The following CCDC102A variants were observed in gnomAD, a reference collection of about 807,000 sequenced individuals.
The protein encoded by CCDC102A is coiled-coil domain-containing protein 102A.
A neutral mutation model predicts 55.5 loss-of-function variants in CCDC102A; 40 were observed. The observed-to-expected ratio is 0.72, with a 90% CI of 0.56 to 0.94. The LOEUF is 0.94. Ranked by LOEUF, CCDC102A falls within the 40% of genes least tolerant of loss-of-function variation. The pLI, the probability that CCDC102A is intolerant of heterozygous loss-of-function variation, is 0.00. For missense variants in CCDC102A, 779 were observed against 768.6 expected, an observed-to-expected ratio of 1.01 and a Z score of -0.16; for synonymous variants, 323 against 339.0, an observed-to-expected ratio of 0.95 and a Z score of 0.52.
intron 8 of CCDC102A, among the ~76,000 whole-genome samples, chr16:57,514,801 A>AC (rs2031924539): frequency 6.6e-6 from 1 of 152,050 alleles, no homozygotes; most frequent in African/African-American, 2.4e-5. Context: ...AGTGGGAGGG[A>AC]CGTGGACTGA....
At chr16:57,532,956 A>G (rs2146721747) in intron 1 of CCDC102A, among the ~76,000 whole-genome samples, 2 of 152,254 alleles carry the variant, frequency 1.3e-5, no homozygotes, top group South Asian at 4.1e-4. Context: ...GGAGGGGGCC[A>G]CTGCCACATC....
At chr16:57,523,334 G>A (rs561473616) in intron 3 of CCDC102A, among the ~76,000 whole-genome samples, 4 of 152,238 alleles carry the variant, frequency 2.6e-5, no homozygotes, top group East Asian at 3.9e-4. Flanking sequence ...TGAGGGCTGC[G>A]AGAAAGAATC....
intron 1 of CCDC102A, among the ~76,000 whole-genome samples, chr16:57,535,970 C>G (rs1332398123): frequency 6.6e-6 from 1 of 152,190 alleles, no homozygotes; most frequent in African/African-American, 2.4e-5. Context: ...CGACCCCTCC[C>G]AAGCCGCTGG....
rs549771252 is a variant in CCDC102A, at chr16:57,519,360, C to T, written c.922-619G>A. Among the ~76,000 whole-genome samples the T allele has an allele frequency of 4.7e-3, 710 of 152,336 alleles. 3 individuals are homozygous for T. Among genetic ancestry groups the T allele is most frequent in the Non-Finnish European group, 8.2e-3 (557 of 68,026 alleles). Reference sequence around the variant, plus strand: ...TGGCCTGGAGGAGGGGCCTCCTCATCCCACTCCCCACTGGAAAGCTAGCCT... The same window carrying T: ...TGGCCTGGAGGAGGGGCCTCCTCATTCCACTCCCCACTGGAAAGCTAGCCT... On this transcript the variant is annotated intron_variant, in intron 4 of 8. Transcript: ENST00000258214.
rs764284100 is a variant in CCDC102A at position 57,529,392 on chromosome 16, C to T, written c.-147-68G>A. 1 of 444,318 alleles carries T rather than the reference C, an allele frequency of 2.3e-6. No individual in the cohort carries two copies. Among genetic ancestry groups the T allele is most frequent in the African/African-American group, 2.1e-5 (1 of 47,080 alleles). 27.5% of individuals were successfully genotyped at this position (444,318 alleles called of 1,614,324 possible). A position where few individuals can be genotyped will look rare whatever the true frequency, so the allele number is the denominator to read the frequency against. On this transcript the variant is annotated intron_variant, in intron 1 of 8. Transcript: ENST00000258214. This position sits in a 1 kb window ranked among gnomAD's most constrained non-coding sequence, Gnocchi z 4.1. ...GTCTCGAAGATCAGCCGCGCCAAGG[C>T]CCTGGCGGAGGGAACAGAACGGCCA...
At chr16:57,525,260 T>G (rs188495809) in intron 3 of CCDC102A, among the ~76,000 whole-genome samples, 11 of 152,196 alleles carry the variant, frequency 7.2e-5, no homozygotes, top group African/African-American at 2.6e-4. Context: ...CACGCCTAGC[T>G]AATTTTTGCA....
intron 4 of CCDC102A, among the ~76,000 whole-genome samples, chr16:57,520,546 C>CATAACATAAT (rs1200960980): frequency 1.9e-4 from 20 of 106,530 alleles, no homozygotes; most frequent in Admixed American, 3.5e-4. Context: ...AATAACATAA[C>CATAACATAAT]ATAACATAAC....
chr16:57,519,256 C>G (rs1166938359), intron 4 of CCDC102A, among the ~76,000 whole-genome samples: 2 of 152,222 alleles, frequency 1.3e-5, no homozygotes, highest in Non-Finnish European at 2.9e-5. Context: ...CTTTCTGAGA[C>G]ACTTCTTAGG....
At chr16:57,521,241 G>T in intron 3 of CCDC102A, 65 bp from the exon 4 acceptor site, 1 of 1,282,206 alleles carries the variant, frequency 7.8e-7, no homozygotes, top group Non-Finnish European at 1.1e-6. Context: ...CTCACCAAGG[G>T]TGGCCCTGCT....
chr16:57,512,550 A>G lies in CCDC102A; in HGVS notation c.*191T>C, dbSNP rs1162188041. 3.1e-6 allele frequency: 2 copies of G among 646,066 alleles called. No homozygotes were observed. The highest frequency in any genetic ancestry group is 5.3e-6 in the Non-Finnish European group (2 of 379,404). 40.0% of individuals were successfully genotyped at this position (646,066 alleles called of 1,614,324 possible). A position where few individuals can be genotyped will look rare whatever the true frequency, so the allele number is the denominator to read the frequency against. On this transcript the variant is annotated 3_prime_UTR_variant, in exon 9 of 9. Coordinates refer to ENST00000258214, the MANE Select transcript of CCDC102A (RefSeq NM_033212.4). ...CGCGCGTGTGTGTATATATATATAT[A>G]AAACATAGGCTTCCTTTCCACAGGG...
At chr16:57,519,515 G>A (rs113825323) in intron 4 of CCDC102A, among the ~76,000 whole-genome samples, 2,080 of 152,306 alleles carry the variant, frequency 0.014, 36 homozygotes, top group African/African-American at 0.047. Flanking sequence ...ATTGCTTGGC[G>A]TGCATTTAAG....
chr16:57,522,106 C>T lies in CCDC102A; in HGVS notation c.813-930G>A, dbSNP rs531371796. On this transcript the variant is annotated intron_variant, in intron 3 of 8. Coordinates refer to ENST00000258214, the MANE Select transcript of CCDC102A (RefSeq NM_033212.4). ...CATGCACAGCCCACTGGACATTGCT[C>T]GGGGTAGAGATGATCTGAGCCTACA... Among the ~76,000 whole-genome samples, 8 of 152,270 alleles carry T rather than the reference C, an allele frequency of 5.3e-5. No homozygotes were observed. The South Asian group carries it at 1.2e-3, about 24-fold the overall frequency.
intron 4 of CCDC102A, among the ~76,000 whole-genome samples, chr16:57,519,953 T>C (rs1037732821): frequency 6.6e-6 from 1 of 152,234 alleles, no homozygotes; most frequent in Admixed American, 6.5e-5. Flanking sequence ...TGGTGGCCAT[T>C]GAGGCCTGCA....
At chr16:57,527,166 A>G (rs1170859466) in intron 2 of CCDC102A, among the ~76,000 whole-genome samples, 2 of 105,086 alleles carry the variant, frequency 1.9e-5, no homozygotes, top group African/African-American at 8.5e-5. Context: ...GCTGGGCAGA[A>G]TAGAGGAGGG....
At chr16:57,513,105 G>T (rs1008273848) in intron 8 of CCDC102A, among the ~76,000 whole-genome samples, 1 of 152,200 alleles carries the variant, frequency 6.6e-6, no homozygotes, top group Non-Finnish European at 1.5e-5. Flanking sequence ...GGTGGGGAGT[G>T]GGGCAGAGCT....
rs771426219 is a variant in CCDC102A at position 57,528,637 on chromosome 16, C to G, written c.541G>C (p.Glu181Gln). The G allele has an allele frequency of 1.4e-5, 17 of 1,224,264 alleles. No homozygotes were observed. The highest frequency in any genetic ancestry group is 1.6e-5 in the Non-Finnish European group (16 of 974,952). 75.8% of individuals were successfully genotyped at this position (1,224,264 alleles called of 1,614,324 possible). Residue 181 changes from glutamate (E) to glutamine (Q), a missense_variant, in exon 2 of 9, where the codon GAG becomes CAG. Physicochemically the swap from Glu to Gln is conservative, Grantham distance 29. Coordinates refer to ENST00000258214, the MANE Select transcript of CCDC102A (RefSeq NM_033212.4). ...TCGGACCCGACGTCACGCACTGGCT[C>G]GCGCTCCGCTTCCGGCTCGGGGCCG... Reference protein sequence around the residue: ...RDGPEPEAEREPVRDVGSERP... With the variant: ...RDGPEPEAERQPVRDVGSERP...
rs557248684 is a variant in CCDC102A at position 57,519,624 on chromosome 16, C to A, written c.922-883G>T. 5.9e-5 allele frequency among the ~76,000 whole-genome samples: 9 copies of A among 152,336 alleles called. No homozygotes were observed. In the East Asian group the frequency reaches 1.7e-3, roughly 29 times the overall value. On this transcript the variant is annotated intron_variant, in intron 4 of 8. Coordinates refer to ENST00000258214, the MANE Select transcript of CCDC102A (RefSeq NM_033212.4). Reference sequence around the variant, plus strand: ...AACACATAATGTTGAGGGAGAGACACCAGATACAAAAGAGAACCTTTATAA... The same window carrying A: ...AACACATAATGTTGAGGGAGAGACAACAGATACAAAAGAGAACCTTTATAA...
chr16:57,532,176 C>G (rs1482756072), intron 1 of CCDC102A, among the ~76,000 whole-genome samples: 3 of 152,094 alleles, frequency 2.0e-5, no homozygotes, highest in Non-Finnish European at 4.4e-5. Flanking sequence ...GACACTTGGC[C>G]CTATACCCGA....
intron 6 of CCDC102A, among the ~76,000 whole-genome samples, chr16:57,517,575 C>T (rs1302053987): frequency 6.6e-6 from 1 of 152,166 alleles, no homozygotes; most frequent in East Asian, 1.9e-4. Context: ...AAATGCTGAC[C>T]TCAGGTGATC....
Sources: allele counts gnomAD v4.1 joint callset (sites outside exome capture counted in the v4.1 genomes callset), GRCh38; gene constraint gnomAD v4.1.1; non-coding constraint Gnocchi (gnomAD v3.1); transcripts MANE v1.5; gene names NCBI Gene and HGNC (gene_info 2026-07-23, HGNC 2026-07-21).